FIGN: variants seen among roughly 807,000 people sequenced by gnomAD.
FIGN encodes the protein fidgetin, microtubule severing factor.
FIGN carries 11 observed loss-of-function variants against 51.3 expected under a neutral mutation model. The ratio of observed to expected loss-of-function variants is 0.21; its 90% CI spans 0.13 to 0.35. FIGN has a LOEUF of 0.35. Among genes scored for constraint, FIGN ranks in the 10% least tolerant of loss-of-function variants. FIGN has a pLI of 1.00. For synonymous variants in FIGN, 407 were observed against 363.2 expected (o/e 1.12, Z -1.37); for missense variants, 857 against 943.6 (o/e 0.91, Z 1.20).
At chr2:163,731,612 A>G (rs140352639) in intron 2 of FIGN, among the ~76,000 whole-genome samples, 259 of 152,180 alleles carry the variant, frequency 1.7e-3, no homozygotes, top group African/African-American at 5.4e-3. Context: ...AAATATAACT[A>G]AAGAATAAAA....
At chr2:163,634,371 A>G (rs1244415715) in intron 2 of FIGN, among the ~76,000 whole-genome samples, 4 of 152,090 alleles carry the variant, frequency 2.6e-5, no homozygotes, top group Non-Finnish European at 5.9e-5. Context: ...TGTATATGCT[A>G]CTAACTTTAT....
chr2:163,723,289 G>A (rs1384052793), intron 2 of FIGN, among the ~76,000 whole-genome samples: 1 of 152,076 alleles, frequency 6.6e-6, no homozygotes, highest in Non-Finnish European at 1.5e-5. Context: ...AACATTTATT[G>A]AATTCCTATT....
chr2:163,726,976 T>C (rs1272096795), intron 2 of FIGN, among the ~76,000 whole-genome samples: 2 of 152,194 alleles, frequency 1.3e-5, no homozygotes, highest in Non-Finnish European at 2.9e-5. Flanking sequence ...GGAACCTTTT[T>C]TATCCTACTC....
At chr2:163,625,115 T>TA (rs1318539877) in intron 2 of FIGN, among the ~76,000 whole-genome samples, 2 of 152,080 alleles carry the variant, frequency 1.3e-5, no homozygotes, top group Non-Finnish European at 2.9e-5. Context: ...TAGGACTTGT[T>TA]AACAAATGGT....
chr2:163,729,560 A>G (rs1684893320), intron 2 of FIGN, among the ~76,000 whole-genome samples: 1 of 152,150 alleles, frequency 6.6e-6, no homozygotes. Context: ...AAATTTTCCA[A>G]AATTATAAAA....
chr2:163,678,987 A>G (rs1684015897), intron 2 of FIGN, among the ~76,000 whole-genome samples: 1 of 152,230 alleles, frequency 6.6e-6, no homozygotes, highest in Admixed American at 6.5e-5. Context: ...AATTAAATTT[A>G]TCTGGAGTAA....
intron 2 of FIGN, among the ~76,000 whole-genome samples, chr2:163,651,039 C>CA: frequency 6.6e-6 from 1 of 152,198 alleles, no homozygotes; most frequent in African/African-American, 2.4e-5. Flanking sequence ...AGAAACACAA[C>CA]AAAAAATGTT....
At chr2:163,643,672 T>C (rs1421080256) in intron 2 of FIGN, among the ~76,000 whole-genome samples, 4 of 147,996 alleles carry the variant, frequency 2.7e-5, no homozygotes, top group Non-Finnish European at 6.0e-5. Flanking sequence ...AAAAAATGAT[T>C]GCCGGGCACA....
chr2:163,622,334 A>G lies in FIGN; in HGVS notation c.26-10528T>C, dbSNP rs184317581. 9.2e-3 allele frequency among the ~76,000 whole-genome samples: 1,397 copies of G among 152,070 alleles called. 23 individuals are homozygous for G. Among genetic ancestry groups the G allele is most frequent in the African/African-American group, 0.032 (1,346 of 41,506 alleles). On this transcript the variant is annotated intron_variant, in intron 2 of 2. Coordinates refer to ENST00000333129, the MANE Select transcript of FIGN (RefSeq NM_018086.4). ...TCGGCGACACGGTAAGACTGTCTCA[A>G]AAAAAATTAATAATAATAAAGTTGC...
In FIGN at chr2:163,603,559, C is replaced by T. The variant is rs768195291; in HGVS notation, c.*5993G>A. The stretch of plus-strand genomic sequence containing the variant: ...CCCTCTCTTAATCACTACTAGACAG[C>T]CTCTAGACAATACATTCCTGCAAGG... On this transcript the variant is annotated 3_prime_UTR_variant, in exon 3 of 3. Coordinates refer to ENST00000333129, the MANE Select transcript of FIGN (RefSeq NM_018086.4). 2.6e-5 allele frequency: 4 copies of T among 152,074 alleles called. No individual in the cohort carries two copies. The highest frequency in any genetic ancestry group is 6.6e-5 in the Admixed American group (1 of 15,254). 9.4% of individuals were successfully genotyped at this position (152,074 alleles called of 1,614,324 possible).
chr2:163,630,006 A>G (rs1350173355), intron 2 of FIGN, among the ~76,000 whole-genome samples: 1 of 117,900 alleles, frequency 8.5e-6, no homozygotes, highest in Non-Finnish European at 1.6e-5. Context: ...TCTATCATCC[A>G]GTCCAGTGCA....
intron 2 of FIGN, among the ~76,000 whole-genome samples, chr2:163,657,048 A>C (rs532572000): frequency 1.3e-5 from 2 of 152,202 alleles, no homozygotes; most frequent in East Asian, 3.9e-4. Context: ...AAAGCAAACA[A>C]TAAGAAACCT....
rs114518643 is a variant in FIGN, at chr2:163,674,936, C to A, written c.25+59967G>T. On this transcript the variant is annotated intron_variant, in intron 2 of 2. Coordinates refer to ENST00000333129, the MANE Select transcript of FIGN (RefSeq NM_018086.4). Reference sequence around the variant, plus strand: ...GTTAGCTCATAGGTGGAACTTGAACCTTTGATTAGAATCTACTAGCTCTGA... The same window carrying A: ...GTTAGCTCATAGGTGGAACTTGAACATTTGATTAGAATCTACTAGCTCTGA... Among the ~76,000 whole-genome samples, 1,067 of 152,190 alleles carry A rather than the reference C, an allele frequency of 7.0e-3. 11 individuals carry two copies. Among genetic ancestry groups the A allele is most frequent in the African/African-American group, 0.024 (982 of 41,524 alleles).
intron 2 of FIGN, among the ~76,000 whole-genome samples, chr2:163,636,701 C>T (rs957482504): frequency 2.2e-4 from 33 of 151,800 alleles, no homozygotes; most frequent in Admixed American, 1.2e-3. Context: ...CTCCATTTTC[C>T]CAAACATAAC....
At chr2:163,701,441 G>A (rs746273067) in intron 2 of FIGN, among the ~76,000 whole-genome samples, 9 of 152,200 alleles carry the variant, frequency 5.9e-5, no homozygotes, top group African/African-American at 1.7e-4. Flanking sequence ...AACACACACT[G>A]CAACTACCAA....
At chr2:163,718,193 C>A (rs1013139523) in intron 2 of FIGN, among the ~76,000 whole-genome samples, 2 of 152,106 alleles carry the variant, frequency 1.3e-5, no homozygotes, top group African/African-American at 4.8e-5. Context: ...AAAGAATTGT[C>A]AGCACTCAGA....
intron 2 of FIGN, among the ~76,000 whole-genome samples, chr2:163,635,335 A>G (rs939929419): frequency 1.3e-5 from 2 of 152,226 alleles, no homozygotes; most frequent in Non-Finnish European, 2.9e-5. Context: ...TGGAAGGCCA[A>G]GGTAGGAGGA....
In FIGN at chr2:163,604,957, T is replaced by TTTTTTTTTTTATAA. The variant is rs1553491428; in HGVS notation, c.*4594_*4595insTTATAAAAAAAAAA. On this transcript the variant is annotated 3_prime_UTR_variant, in exon 3 of 3. Coordinates refer to ENST00000333129, the MANE Select transcript of FIGN (RefSeq NM_018086.4). ...TTTGCTTTTTTTTTTTTTTTTTTTG[T>TTTTTTTTTTTATAA]ATCATAAGACAACAAGAAGGAATGA... 7.1e-6 allele frequency: 1 copy of TTTTTTTTTTTATAA among 140,746 alleles called. No individual in the cohort carries two copies. Among genetic ancestry groups the TTTTTTTTTTTATAA allele is most frequent in the African/African-American group, 2.5e-5 (1 of 39,342 alleles). The allele number at this position is 140,746 out of a possible 1,614,324, so 8.7% of individuals were successfully genotyped here. A position where few individuals can be genotyped will look rare whatever the true frequency, so the allele number is the denominator to read the frequency against.
chr2:163,639,963 A>G (rs1439284787), intron 2 of FIGN, among the ~76,000 whole-genome samples: 1 of 152,124 alleles, frequency 6.6e-6, no homozygotes, highest in Non-Finnish European at 1.5e-5. Flanking sequence ...AAGAATTGTT[A>G]TTGTTATTAT....
Sources: allele counts gnomAD v4.1 joint callset (sites outside exome capture counted in the v4.1 genomes callset), GRCh38; gene constraint gnomAD v4.1.1; transcripts MANE v1.5; gene names NCBI Gene and HGNC (gene_info 2026-07-23, HGNC 2026-07-21).